The following TRIM24 variants were observed in gnomAD, a reference collection of about 807,000 sequenced individuals.
The protein encoded by TRIM24 is transcription intermediary factor 1-alpha.
A neutral mutation model predicts 123.9 loss-of-function variants in TRIM24; 29 were observed. That is an observed-to-expected ratio of 0.23 (90% CI 0.17 to 0.32). The LOEUF (loss-of-function observed/expected upper bound fraction) is 0.32. Ranked by LOEUF, TRIM24 falls within the 10% of genes least tolerant of loss-of-function variation. The pLI, the probability that TRIM24 is intolerant of heterozygous loss-of-function variation, is 1.00. For missense variants in TRIM24, 932 were observed against 1,295.3 expected, an observed-to-expected ratio of 0.72 and a Z score of 4.31; for synonymous variants, 456 against 461.1, an observed-to-expected ratio of 0.99 and a Z score of 0.14.
At chr7:138,478,560 T>C (rs1426034616) in intron 1 of TRIM24, among the ~76,000 whole-genome samples, 2 of 152,160 alleles carry the variant, frequency 1.3e-5, no homozygotes, top group East Asian at 3.9e-4. Context: ...TACTTCAGCC[T>C]TTATCCCCTG....
At position 138,508,970 on chromosome 7, in the gene TRIM24, A is replaced by C. The variant is rs181444885; in HGVS notation, c.483+4562A>C. On this transcript the variant is annotated intron_variant, in intron 2 of 18. Coordinates refer to ENST00000343526, the MANE Select transcript of TRIM24 (RefSeq NM_015905.3). ...AGAGACTTTATTTATTTATTTAGAG[A>C]CAGAGTCTCACTCTGTTGCCCAGGC... 7.9e-5 allele frequency among the ~76,000 whole-genome samples: 12 copies of C among 151,986 alleles called. No homozygotes were observed. The East Asian group carries it at 2.3e-3, about 30-fold the overall frequency.
At chr7:138,529,597 G>A (rs1796683870) in intron 6 of TRIM24, among the ~76,000 whole-genome samples, 1 of 152,148 alleles carries the variant, frequency 6.6e-6, no homozygotes, top group Non-Finnish European at 1.5e-5. Context: ...GTTCGATTTA[G>A]TTCTCAAATA....
intron 17 of TRIM24, among the ~76,000 whole-genome samples, chr7:138,583,171 T>G (rs111804836): frequency 0.036 from 5,515 of 152,300 alleles, 152 homozygotes; most frequent in Middle Eastern, 0.088. Flanking sequence ...TAAACCCAGA[T>G]TCAAAGTCCT....
In TRIM24 at chr7:138,584,631, A is replaced by G; in HGVS notation, c.2944-111A>G. The G allele has an allele frequency of 6.0e-6, 5 of 830,260 alleles. No individual in the cohort carries two copies. In the South Asian group the frequency reaches 6.1e-5, roughly 10 times the overall value. 51.4% of individuals were successfully genotyped at this position (830,260 alleles called of 1,614,324 possible). On this transcript the variant is annotated intron_variant, in intron 18 of 18. Transcript: ENST00000343526. ...CAGAGACTTTGTCTAGTCCTAAACT[A>G]TTATTTCAATGACTATGCATGAACA... is the stretch of plus-strand genomic sequence containing the variant.
At chr7:138,511,194 G>T (rs1796277029) in intron 2 of TRIM24, among the ~76,000 whole-genome samples, 1 of 152,152 alleles carries the variant, frequency 6.6e-6, no homozygotes, top group Non-Finnish European at 1.5e-5. Context: ...GGAGGCCTCA[G>T]GAAACTTACA....
At chr7:138,523,534 T>C (rs1796545524) in intron 4 of TRIM24, among the ~76,000 whole-genome samples, 1 of 152,048 alleles carries the variant, frequency 6.6e-6, no homozygotes, top group Admixed American at 6.5e-5. Context: ...GGCGGGCGGA[T>C]CACAAGGTCA....
At position 138,460,885 on chromosome 7, in the gene TRIM24, A is replaced by G; in HGVS notation, c.337A>G (p.Ser113Gly). Reference protein sequence around the residue: ...PPVPAPGSPVSGSSPFATQVG... With the variant: ...PPVPAPGSPVGGSSPFATQVG... ...CGTCCCTGCCCCCGGCTCGCCGGTCAGCGGCTCGTCGCCGTTCGCCACCCA... is the reference window on the plus strand; with the variant it reads ...CGTCCCTGCCCCCGGCTCGCCGGTCGGCGGCTCGTCGCCGTTCGCCACCCA... Residue 113 changes from serine to glycine, a missense_variant, in exon 1 of 19, where the codon AGC becomes GGC. Physicochemically the swap from Ser to Gly is moderately conservative, Grantham distance 56 (BLOSUM62 0). Transcript: ENST00000343526. 6.6e-7 allele frequency: 1 copy of G among 1,525,382 alleles called. No homozygotes were observed. The highest frequency in any genetic ancestry group is 1.2e-5 in the South Asian group (1 of 83,926). The allele number at this position is 1,525,382 out of a possible 1,614,324, so 94.5% of individuals were successfully genotyped here. A position where few individuals can be genotyped will look rare whatever the true frequency, so the allele number is the denominator to read the frequency against.
Position 138,567,390 on chromosome 7 carries a change from A to G in TRIM24, c.1531-91A>G, listed in dbSNP as rs987181705. The G allele has an allele frequency of 2.3e-5, 29 of 1,265,800 alleles. No individual in the cohort carries two copies. In the Admixed American group the frequency reaches 4.0e-4, roughly 17 times the overall value. 78.4% of individuals were successfully genotyped at this position (1,265,800 alleles called of 1,614,324 possible). A position where few individuals can be genotyped will look rare whatever the true frequency, so the allele number is the denominator to read the frequency against. On this transcript the variant is annotated intron_variant, in intron 9 of 18. Transcript: ENST00000343526. Reference sequence around the variant, plus strand: ...ATTGATTGATCTGTGGCAGAGTTCTATTTTTCTGTAAAAGTTTTATAAGAT... The same window carrying G: ...ATTGATTGATCTGTGGCAGAGTTCTGTTTTTCTGTAAAAGTTTTATAAGAT...
intron 4 of TRIM24, among the ~76,000 whole-genome samples, chr7:138,523,711 A>G (rs1333332888): frequency 6.4e-5 from 9 of 140,310 alleles, no homozygotes; most frequent in African/African-American, 2.3e-4. Flanking sequence ...AGATGGGGCC[A>G]CTGCACTCCA....
At chr7:138,538,226 C>G (rs576677743) in intron 6 of TRIM24, among the ~76,000 whole-genome samples, 21 of 152,300 alleles carry the variant, frequency 1.4e-4, no homozygotes, top group African/African-American at 5.1e-4. Flanking sequence ...AAACTACTTG[C>G]AATTCCAACT....
chr7:138,580,902 G>A (rs1473584768), intron 16 of TRIM24, among the ~76,000 whole-genome samples: 1 of 151,854 alleles, frequency 6.6e-6, no homozygotes, highest in African/African-American at 2.4e-5. Flanking sequence ...GTATTTTATA[G>A]AAGCTTATTG....
chr7:138,529,043 T>C (rs1021367871), intron 5 of TRIM24, 73 bp from the exon 6 acceptor site: 3 of 875,500 alleles, frequency 3.4e-6, no homozygotes, highest in African/African-American at 3.5e-5. Context: ...TGGTCTAATT[T>C]AGACATTAAA....
chr7:138,462,338 C>CTTTTTT (rs34920255), intron 1 of TRIM24, among the ~76,000 whole-genome samples: 4 of 124,410 alleles, frequency 3.2e-5, no homozygotes, highest in Admixed American at 8.2e-5. Flanking sequence ...GTGCAAAAAT[C>CTTTTTT]TTTTTTTTTT....
chr7:138,470,137 T>A (rs1011499649), intron 1 of TRIM24, among the ~76,000 whole-genome samples: 1 of 140,956 alleles, frequency 7.1e-6, no homozygotes, highest in Non-Finnish European at 1.5e-5. Context: ...TTTTTTTTTT[T>A]TTTTTTTTTT....
At position 138,534,369 on chromosome 7, in the gene TRIM24, C is replaced by G. The variant is rs187119993; in HGVS notation, c.997-4288C>G. The stretch of plus-strand genomic sequence containing the variant: ...GGCATTTAGTGCTATAAATTTCCCT[C>G]TACACATTGCTTTAAATGTGTCCCA... On this transcript the variant is annotated intron_variant, in intron 6 of 18. Coordinates refer to ENST00000343526, the MANE Select transcript of TRIM24 (RefSeq NM_015905.3). 3.1e-3 allele frequency among the ~76,000 whole-genome samples: 479 copies of G among 152,310 alleles called. 2 individuals are homozygous for G. The highest frequency in any genetic ancestry group is 0.011 in the African/African-American group (457 of 41,564).
chr7:138,580,794 C>A, intron 16 of TRIM24, 100 bp downstream of exon 16: 3 of 1,116,878 alleles, frequency 2.7e-6, no homozygotes, highest in South Asian at 5.6e-5. Context: ...TTATACTGAT[C>A]CTTTTTATTT....
rs564191798 is a variant in TRIM24 at position 138,503,486 on chromosome 7, T to G, written c.365-804T>G. Reference sequence around the variant, plus strand: ...AATTTTTTTTTCATTAAATGTTTGTTTGTTGTTTGTTTATACATATGAAAT... The same window carrying G: ...AATTTTTTTTTCATTAAATGTTTGTGTGTTGTTTGTTTATACATATGAAAT... On this transcript the variant is annotated intron_variant, in intron 1 of 18. Transcript: ENST00000343526. Among the ~76,000 whole-genome samples, 187 of 152,214 alleles carry G rather than the reference T, an allele frequency of 1.2e-3. 1 individual carries two copies. The highest frequency in any genetic ancestry group is 0.011 in the South Asian group (53 of 4,824).
rs1797282635 is a variant in TRIM24 at position 138,554,823 on chromosome 7, A to G, written c.1387A>G (p.Ile463Val). The G allele has an allele frequency of 1.2e-6, 2 of 1,614,084 alleles. No individual in the cohort carries two copies. The highest frequency in any genetic ancestry group is 1.7e-5 in the Admixed American group (1 of 60,006). ...SNQLSKFPTQISLAQLRLQHM... is the reference protein window; with the variant it reads ...SNQLSKFPTQVSLAQLRLQHM... ...CCAGTTATCCAAGTTCCCAACACAG[A>G]TCAGCCTAGCTCAATTACGGCTCCA... Residue 463 changes from isoleucine to valine, a missense_variant, in exon 9 of 19, where the codon ATC (isoleucine) becomes GTC (valine). Around this residue, in one of 7 missense-constraint regions of TRIM24, gnomAD observed 527 missense variants for 691.3 expected, o/e 0.76. Transcript: ENST00000343526. The surrounding 1 kb of genome is among the most constrained non-coding windows in gnomAD (Gnocchi z 4.5).
At chr7:138,493,615 C>T (rs1795842140) in intron 1 of TRIM24, among the ~76,000 whole-genome samples, 1 of 152,118 alleles carries the variant, frequency 6.6e-6, no homozygotes, top group Non-Finnish European at 1.5e-5. Context: ...CCGCTGTAAG[C>T]CTAAGGGGGT....
Sources: allele counts gnomAD v4.1 joint callset (sites outside exome capture counted in the v4.1 genomes callset), GRCh38; gene constraint gnomAD v4.1.1; regional missense constraint gnomAD v4.1.1; non-coding constraint Gnocchi (gnomAD v3.1); transcripts MANE v1.5; gene names NCBI Gene and HGNC (gene_info 2026-07-23, HGNC 2026-07-21).